The following KLHL6 variants were observed in gnomAD, a reference collection of about 807,000 sequenced individuals.
KLHL6 encodes the protein kelch like family member 6, also known as kelch-like protein 6.
Under a neutral mutation model 58.6 loss-of-function variants are expected in KLHL6, and 41 were observed. The ratio of observed to expected loss-of-function variants is 0.70; its 90% CI spans 0.55 to 0.91. The LOEUF (loss-of-function observed/expected upper bound fraction) is 0.91, where lower values mean the gene tolerates loss of function less well. Among genes scored for constraint, KLHL6 ranks in the 40% least tolerant of loss-of-function variants. The probability of loss-of-function intolerance (pLI) is 0.00; values close to 1 mark genes in which losing one functional copy is unlikely to be tolerated. For missense variants in KLHL6, 714 were observed against 805.6 expected (o/e 0.89, Z 1.38); for synonymous variants, 338 against 322.7 (o/e 1.05, Z -0.51).
rs529708928 is a variant in KLHL6, at chr3:183,533,911, G to A, written c.294-5901C>T. On this transcript the variant is annotated intron_variant, in intron 1 of 6. Transcript: ENST00000341319. ...AATATGGTAATAAGAAAGAAAGAACGAAGGTGAATTCCGGGGCCTCTGTAA... is the reference window on the plus strand; with the variant it reads ...AATATGGTAATAAGAAAGAAAGAACAAAGGTGAATTCCGGGGCCTCTGTAA... 1.0e-2 allele frequency among the ~76,000 whole-genome samples: 1,510 copies of A among 151,502 alleles called. 15 individuals are homozygous for A. The highest frequency in any genetic ancestry group is 0.016 in the Non-Finnish European group (1,085 of 67,822).
Position 183,530,578 on chromosome 3 carries a change from G to A in KLHL6, c.294-2568C>T, listed in dbSNP as rs1381699949. 5.3e-5 allele frequency among the ~76,000 whole-genome samples: 8 copies of A among 152,110 alleles called. No homozygotes were observed. In the East Asian group the frequency reaches 5.8e-4, roughly 11 times the overall value. ...TTAGAAAAAGAATGTTTAGGCAAAA[G>A]GGAACCAAAAATTAAAGAGTTGGAA... On this transcript the variant is annotated intron_variant, in intron 1 of 6. Transcript: ENST00000341319.
Position 183,491,951 on chromosome 3 carries a change from G to C in KLHL6, c.1842C>G (p.Ile614Met), listed in dbSNP as rs369666567. The C allele has an allele frequency of 6.6e-7, 1 of 1,521,858 alleles. No homozygotes were observed. Among genetic ancestry groups the C allele is most frequent in the South Asian group, 1.3e-5 (1 of 77,988 alleles). 94.3% of individuals were successfully genotyped at this position (1,521,858 alleles called of 1,614,324 possible). The change falls in exon 7 of 7, where the codon ATC becomes ATG. Residue 614 changes from isoleucine to methionine, a missense_variant. Physicochemically the swap from Ile to Met is conservative, Grantham distance 10. Transcript: ENST00000341319. ...GTCAGACAGACACTGCTCCGGGCAC[G>C]ATCCTGCGGATGTGGGTGTACGACT... ...IRKSYTHIRRIVPGAVSV is the reference protein window; with the variant it reads ...IRKSYTHIRRMVPGAVSV
intron 1 of KLHL6, among the ~76,000 whole-genome samples, chr3:183,537,962 C>G (rs1712419068): frequency 1.3e-5 from 2 of 152,122 alleles, no homozygotes; most frequent in Non-Finnish European, 2.9e-5. Flanking sequence ...GTGCCACCAC[C>G]AAGTAGGGAC....
chr3:183,517,246 C>A (rs1307412923), intron 2 of KLHL6, among the ~76,000 whole-genome samples: 3 of 152,146 alleles, frequency 2.0e-5, no homozygotes, highest in African/African-American at 7.2e-5. Context: ...CTTTTCTTCT[C>A]CAGCAATAGA....
chr3:183,549,629 C>T (rs1276450617), intron 1 of KLHL6, among the ~76,000 whole-genome samples: 3 of 152,182 alleles, frequency 2.0e-5, no homozygotes, highest in Non-Finnish European at 4.4e-5. Context: ...CTGCTTCAGC[C>T]TCCCGAGTAG....
Position 183,492,196 on chromosome 3 carries a change from G to T in KLHL6, c.1597C>A (p.Pro533Thr). 6.2e-7 allele frequency: 1 copy of T among 1,611,818 alleles called. No homozygotes were observed. The highest frequency in any genetic ancestry group is 8.5e-7 in the Non-Finnish European group (1 of 1,179,066). The stretch of plus-strand genomic sequence containing the variant: ...ACCAGGCACCAGCTGTCTTCCAGCG[G>T]GCTGTAGGCGTACAGCGCTCTCATG... ...GAMRALYAYS[P>T]LEDSWCLVTQ... The change falls in exon 7 of 7, where the codon CCG becomes ACG. Residue 533 changes from proline (P) to threonine (T), a missense_variant. Pro to Thr is a conservative substitution (Grantham distance 38, BLOSUM62 -1). This residue lies in a region of KLHL6 where 510 missense variants were observed against 629.7 expected (regional missense o/e 0.81). Transcript: ENST00000341319. This position sits in a 1 kb window ranked among gnomAD's most constrained non-coding sequence, Gnocchi z 5.9.
chr3:183,547,112 C>G (rs751686237), intron 1 of KLHL6, among the ~76,000 whole-genome samples: 1 of 152,082 alleles, frequency 6.6e-6, no homozygotes, highest in African/African-American at 2.4e-5. Context: ...GGTGTTTCAC[C>G]ATGTTGGCCA....
chr3:183,539,773 A>G (rs563392533), intron 1 of KLHL6, among the ~76,000 whole-genome samples: 1 of 151,860 alleles, frequency 6.6e-6, no homozygotes, highest in South Asian at 2.1e-4. Flanking sequence ...ACCACTCCTC[A>G]AGGACACTGC....
At position 183,489,781 on chromosome 3, in the gene KLHL6, C is replaced by G. The variant is rs1013403382; in HGVS notation, c.*2146G>C. On this transcript the variant is annotated 3_prime_UTR_variant, in exon 7 of 7. Coordinates refer to ENST00000341319, the MANE Select transcript of KLHL6 (RefSeq NM_130446.4). ...CACACCAACATACATTTATATTTAT[C>G]TTCAATAATCTGGCATAAACAGAAA... The G allele has an allele frequency of 3.3e-5, 5 of 152,214 alleles. No homozygotes were observed. Among genetic ancestry groups the G allele is most frequent in the African/African-American group, 1.2e-4 (5 of 41,450 alleles). 9.4% of individuals were successfully genotyped at this position (152,214 alleles called of 1,614,324 possible).
At chr3:183,552,659 A>G (rs1005591865) in intron 1 of KLHL6, among the ~76,000 whole-genome samples, 1 of 141,884 alleles carries the variant, frequency 7.0e-6, no homozygotes, top group East Asian at 2.2e-4. Context: ...CGGAGTTTGC[A>G]GTGAGCAGAG....
intron 1 of KLHL6, among the ~76,000 whole-genome samples, chr3:183,551,737 A>C (rs1157963820): frequency 2.0e-5 from 3 of 152,230 alleles, no homozygotes; most frequent in Non-Finnish European, 4.4e-5. Context: ...AGCTAGTGCC[A>C]GAAGAAACAA....
chr3:183,495,696 G>A (rs540984865), intron 4 of KLHL6, among the ~76,000 whole-genome samples: 1 of 152,184 alleles, frequency 6.6e-6, no homozygotes, highest in Admixed American at 6.5e-5. Flanking sequence ...AGACTTTTGA[G>A]GGGAACTTGA....
intron 2 of KLHL6, among the ~76,000 whole-genome samples, chr3:183,516,001 T>G (rs1051846352): frequency 6.6e-6 from 1 of 152,170 alleles, no homozygotes; most frequent in African/African-American, 2.4e-5. Context: ...AAGGAGCAAA[T>G]AGAGAATTCA....
At chr3:183,495,351 CTA>C (rs1234565130) in intron 4 of KLHL6, among the ~76,000 whole-genome samples, 2 of 151,912 alleles carry the variant, frequency 1.3e-5, no homozygotes, top group African/African-American at 2.4e-5. Flanking sequence ...CGGAAAAAAA[CTA>C]TGTCAGTTTG....
chr3:183,494,118 A>C lies in KLHL6; in HGVS notation c.1311T>G (p.Asn437Lys). The stretch of plus-strand genomic sequence containing the variant: ...TGTGAAAGGGGTCGTAGGTCTCCAC[A>C]TTGTTGATTCTCTGTAAGCCGTCAA... ...GGFDGLQRIN[N>K]VETYDPFHNC... Residue 437 changes from asparagine (N) to lysine (K), a missense_variant, in exon 5 of 7, where the codon AAT becomes AAG. Asn to Lys is a moderately conservative substitution (Grantham distance 94). This residue lies in a region of KLHL6 where 510 missense variants were observed against 629.7 expected (regional missense o/e 0.81). Coordinates refer to ENST00000341319, the MANE Select transcript of KLHL6 (RefSeq NM_130446.4). 1 of 1,613,954 alleles carries C rather than the reference A, an allele frequency of 6.2e-7. No individual in the cohort carries two copies. Among genetic ancestry groups the C allele is most frequent in the Non-Finnish European group, 8.5e-7 (1 of 1,179,956 alleles).
At chr3:183,493,722 A>C in intron 5 of KLHL6, 1 of 279,424 alleles carries the variant, frequency 3.6e-6, no homozygotes, top group Non-Finnish European at 6.8e-6. Context: ...TCCAGTGTGG[A>C]GAAGAATAGG....
chr3:183,547,323 C>T (rs1712760257), intron 1 of KLHL6, among the ~76,000 whole-genome samples: 1 of 152,158 alleles, frequency 6.6e-6, no homozygotes, highest in Non-Finnish European at 1.5e-5. Context: ...TTAAGATATG[C>T]TAATATCCAA....
chr3:183,498,424 C>T (rs1309461515), intron 4 of KLHL6, among the ~76,000 whole-genome samples: 1 of 152,146 alleles, frequency 6.6e-6, no homozygotes, highest in African/African-American at 2.4e-5. Context: ...AAGCTTGTCT[C>T]CTTCCTTAGG....
Position 183,492,508 on chromosome 3 carries a change from C to T in KLHL6, c.1550G>A (p.Arg517His), listed in dbSNP as rs757613109. ...KCINAVSFRD[R>H]IYVVGGAMRA... ...CCATTACTCACCAACGACATAGATG[C>T]GGTCCCGGAAACTCACTGCATTGAT... The change falls in exon 6 of 7, where the codon CGC becomes CAC. Residue 517 changes from arginine (R) to histidine (H), a missense_variant. By Grantham distance (29) the Arg-to-His change is conservative. This residue lies in a region of KLHL6 where 510 missense variants were observed against 629.7 expected (regional missense o/e 0.81). Coordinates refer to ENST00000341319, the MANE Select transcript of KLHL6 (RefSeq NM_130446.4). The surrounding 1 kb of genome is among the most constrained non-coding windows in gnomAD (Gnocchi z 5.9). 6 of 1,614,196 alleles carry T rather than the reference C, an allele frequency of 3.7e-6. No homozygotes were observed. The highest frequency in any genetic ancestry group is 4.5e-5 in the East Asian group (2 of 44,882).
Sources: gnomAD v4.1 joint callset for allele counts (sites outside exome capture counted in the v4.1 genomes callset) on GRCh38, gnomAD v4.1.1 for gene constraint, gnomAD v4.1.1 regional missense constraint, Gnocchi (gnomAD v3.1) non-coding constraint, MANE v1.5 for transcripts, NCBI Gene and HGNC (gene_info 2026-07-23, HGNC 2026-07-21) for gene names.